Variants in DNAH2 observed in about 807,000 individuals in gnomAD.
DNAH2 encodes dynein axonemal heavy chain 2, also known as axonemal beta dynein heavy chain 2.
A neutral mutation model predicts 523.5 loss-of-function variants in DNAH2; 323 were observed. The ratio of observed to expected loss-of-function variants is 0.62; its 90% CI spans 0.56 to 0.68. The LOEUF (loss-of-function observed/expected upper bound fraction) is 0.68. Ranked by LOEUF, DNAH2 falls within the 30% of genes least tolerant of loss-of-function variation. DNAH2 has a pLI of 0.00. For missense variants in DNAH2, 4,907 were observed against 5,701.5 expected (o/e 0.86, Z 4.49); for synonymous variants, 2,093 against 2,177.4 (o/e 0.96, Z 1.08).
rs1331726373 is a variant in DNAH2 at position 7,796,527 on chromosome 17, G to C, written c.7738G>C (p.Glu2580Gln). ...INQKLQDFEE[E>Q]VKPIGNVVTE... ...TCAGAAGCTTCAGGACTTTGAGGAA[G>C]AGGTGAAGCCCATTGGGAACGTGGT... is the stretch of plus-strand genomic sequence containing the variant. Residue 2580 changes from glutamate to glutamine, a missense_variant, in exon 50 of 86, where the codon GAG becomes CAG. Glu to Gln is a conservative substitution (Grantham distance 29). Around this residue, in one of 3 missense-constraint regions of DNAH2, gnomAD observed 250 missense variants for 371.3 expected, o/e 0.67. Transcript: ENST00000572933. 1 of 1,613,838 alleles carries C rather than the reference G, an allele frequency of 6.2e-7. No individual in the cohort carries two copies. Among genetic ancestry groups the C allele is most frequent in the Admixed American group, 1.7e-5 (1 of 59,956 alleles).
rs756974612 is a variant in DNAH2, at chr17:7,791,870, C to T, written c.6901-47C>T. ...TGTCACGAGTCTGCCAGATGGACCCCTGGTCTCTTACAGGTGGGTTATTTC... is the reference window on the plus strand; with the variant it reads ...TGTCACGAGTCTGCCAGATGGACCCTTGGTCTCTTACAGGTGGGTTATTTC... On this transcript the variant is annotated intron_variant, in intron 44 of 85. Transcript: ENST00000572933. 6.3e-6 allele frequency: 10 copies of T among 1,577,716 alleles called. No homozygotes were observed. The South Asian group carries it at 7.0e-5, about 11-fold the overall frequency.
Position 7,741,248 on chromosome 17 carries a change from T to C in DNAH2, c.1689+256T>C, listed in dbSNP as rs556509223. Among the ~76,000 whole-genome samples the C allele has an allele frequency of 3.1e-3, 112 of 35,738 alleles. 2 individuals carry two copies. The South Asian group carries it at 0.048, about 15-fold the overall frequency. 23.4% of individuals were successfully genotyped at this position (35,738 alleles called of 152,430 possible). ...TTTTTTTCTCTCTCTCTTTCTTTCT[T>C]TCTTTCTTTCTTTCTTTCTTTCTTT... On this transcript the variant is annotated intron_variant, in intron 11 of 85. Transcript: ENST00000572933.
intron 2 of DNAH2, among the ~76,000 whole-genome samples, chr17:7,722,224 C>G (rs143207623): frequency 6.6e-6 from 1 of 151,788 alleles, no homozygotes; most frequent in Non-Finnish European, 1.5e-5. Flanking sequence ...AGGCTGGTCT[C>G]GAACGCCTGA....
chr17:7,831,476 CT>C lies in DNAH2; in HGVS notation c.12547del (p.Ser4183ProfsTer17). The C allele has an allele frequency of 6.2e-7, 1 of 1,614,186 alleles. No individual in the cohort carries two copies. Among genetic ancestry groups the C allele is most frequent in the Non-Finnish European group, 8.5e-7 (1 of 1,180,032 alleles). On this transcript the variant is annotated frameshift_variant, in exon 81 of 86. Coordinates refer to ENST00000572933, the MANE Select transcript of DNAH2 (RefSeq NM_020877.5). LOFTEE classifies it high-confidence loss of function. The surrounding 1 kb of genome is among the most constrained non-coding windows in gnomAD (Gnocchi z 4.2). ...CTCAAAAACTGCTAGCTCTCGACCC[CT>C]CCCCCCTCAATGTGGTCCTTCTGCA... Reference protein sequence around the residue: ...GTQKLLALDPSPLNVVLLQEI... With the variant: ...GTQKLLALDPXPLNVVLLQEI...
intron 27 of DNAH2, 125 bp downstream of exon 27, chr17:7,771,058 C>T (rs2076301106): frequency 1.8e-6 from 2 of 1,117,516 alleles, no homozygotes; most frequent in Admixed American, 2.7e-5. Flanking sequence ...CATCTAGGAC[C>T]CAGCTGTCTG....
chr17:7,763,820 G>A lies in DNAH2; in HGVS notation c.2979-11G>A. The A allele has an allele frequency of 6.2e-7, 1 of 1,613,804 alleles. No homozygotes were observed. The highest frequency in any genetic ancestry group is 8.5e-7 in the Non-Finnish European group (1 of 1,179,988). ...AAACAACATCCTAGCTGGGATCTGGGGCTCTTGCAGCTACACGGAAGTTGC... is the reference window on the plus strand; with the variant it reads ...AAACAACATCCTAGCTGGGATCTGGAGCTCTTGCAGCTACACGGAAGTTGC... On this transcript the variant is annotated splice_polypyrimidine_tract_variant and intron_variant, in intron 18 of 85. Coordinates refer to ENST00000572933, the MANE Select transcript of DNAH2 (RefSeq NM_020877.5).
Position 7,753,902 on chromosome 17 carries a change from C to T in DNAH2, c.1905-3189C>T, listed in dbSNP as rs138844806. Among the ~76,000 whole-genome samples, 954 of 152,082 alleles carry T rather than the reference C, an allele frequency of 6.3e-3. 8 individuals carry two copies. Among genetic ancestry groups the T allele is most frequent in the African/African-American group, 0.021 (862 of 41,450 alleles). ...GGCAGAGGTTGCAGTGAGCCGAGATCGCACCACTGCACTCCAGCCTGGGCG... is the reference window on the plus strand; with the variant it reads ...GGCAGAGGTTGCAGTGAGCCGAGATTGCACCACTGCACTCCAGCCTGGGCG... On this transcript the variant is annotated intron_variant, in intron 12 of 85. Coordinates refer to ENST00000572933, the MANE Select transcript of DNAH2 (RefSeq NM_020877.5).
At chr17:7,765,135 ACT>A (rs1382593814) in intron 20 of DNAH2, among the ~76,000 whole-genome samples, 1 of 151,702 alleles carries the variant, frequency 6.6e-6, no homozygotes, top group African/African-American at 2.4e-5. Context: ...TCGTCCCCAG[ACT>A]CTGGTCTGGA....
chr17:7,757,152 C>A lies in DNAH2; in HGVS notation c.1966C>A (p.His656Asn). The A allele has an allele frequency of 6.2e-7, 1 of 1,614,200 alleles. No homozygotes were observed. The highest frequency in any genetic ancestry group is 8.5e-7 in the Non-Finnish European group (1 of 1,180,028). ...YWERLLFETPHYVVNVAERAE... is the reference protein window; with the variant it reads ...YWERLLFETPNYVVNVAERAE... Reference sequence around the variant, plus strand: ...GGAGCGGCTGCTGTTTGAGACGCCCCATTACGTGGTGAACGTAGCTGAGCG... The same window carrying A: ...GGAGCGGCTGCTGTTTGAGACGCCCAATTACGTGGTGAACGTAGCTGAGCG... The change falls in exon 13 of 86, where the codon CAT (histidine) becomes AAT (asparagine). Residue 656 changes from histidine to asparagine, a missense_variant. Physicochemically the swap from His to Asn is moderately conservative, Grantham distance 68 (BLOSUM62 1). Coordinates refer to ENST00000572933, the MANE Select transcript of DNAH2 (RefSeq NM_020877.5).
intron 63 of DNAH2, among the ~76,000 whole-genome samples, chr17:7,809,081 T>A (rs891545897): frequency 6.6e-6 from 1 of 152,222 alleles, no homozygotes; most frequent in African/African-American, 2.4e-5. Context: ...AATCTTTGGA[T>A]CTTTGCTTGC....
At chr17:7,779,491 G>A (rs111516749) in intron 36 of DNAH2, 68 bp downstream of exon 36, 18 of 1,490,352 alleles carry the variant, frequency 1.2e-5, no homozygotes, top group Non-Finnish European at 1.7e-5. Flanking sequence ...AAATAACTGC[G>A]CATCCTCCTC....
chr17:7,777,718 G>C, intron 33 of DNAH2, 84 bp downstream of exon 33: 3 of 1,533,712 alleles, frequency 2.0e-6, no homozygotes, highest in Non-Finnish European at 2.7e-6. Flanking sequence ...TAAATGCAAG[G>C]ATATCCTAAG....
At position 7,805,052 on chromosome 17, in the gene DNAH2, C is replaced by T. The variant is rs2077330466; in HGVS notation, c.9278C>T (p.Pro3093Leu). 1 of 1,613,964 alleles carries T rather than the reference C, an allele frequency of 6.2e-7. No individual in the cohort carries two copies. Among genetic ancestry groups the T allele is most frequent in the Non-Finnish European group, 8.5e-7 (1 of 1,180,008 alleles). ...CAGAAAGATCTAGAAGAGGCACTGC[C>T]CGCCCTGGAAGAGGCCATGCGGGTA... ...NAQKDLEEAL[P>L]ALEEAMRALE... The change falls in exon 60 of 86, where the codon CCC becomes CTC. Residue 3093 changes from proline to leucine, a missense_variant. Pro to Leu is a moderately conservative substitution (Grantham distance 98, BLOSUM62 -3). This residue lies in a region of DNAH2 where 1,851 missense variants were observed against 2,139.4 expected (regional missense o/e 0.87). Transcript: ENST00000572933.
rs2077955640 is a variant in DNAH2, at chr17:7,824,255, G to A, written c.11613G>A (p.Gln3871=). The A allele has an allele frequency of 3.2e-6, 5 of 1,573,922 alleles. No homozygotes were observed. The highest frequency in any genetic ancestry group is 2.3e-5 in the South Asian group (2 of 86,412). Residue 3871 remains glutamine (Q), a synonymous_variant, in exon 76 of 86, where the codon CAG becomes CAA. Coordinates refer to ENST00000572933, the MANE Select transcript of DNAH2 (RefSeq NM_020877.5). ...AQRFHALSLG[Q]GQAPIAARLL... The stretch of plus-strand genomic sequence containing the variant: ...GCTTCCACGCCCTGTCCCTGGGCCA[G>A]GGCCAGGCCCCCATCGCTGCTCGGC...
At chr17:7,799,045 C>T in intron 55 of DNAH2, 58 bp from the exon 56 acceptor site, 6 of 1,594,254 alleles carry the variant, frequency 3.8e-6, no homozygotes, top group Non-Finnish European at 5.1e-6. Flanking sequence ...GACCCGCTGC[C>T]CCCGCTGATT....
chr17:7,790,412 G>A (rs756503826), intron 44 of DNAH2, among the ~76,000 whole-genome samples: 2 of 151,994 alleles, frequency 1.3e-5, no homozygotes, highest in Non-Finnish European at 1.5e-5. Flanking sequence ...TCTAGAGATG[G>A]GGTCTCACTG....
At chr17:7,761,075 A>G in intron 18 of DNAH2, 143 bp downstream of exon 18, 1 of 1,042,078 alleles carries the variant, frequency 9.6e-7, no homozygotes, top group Non-Finnish European at 1.4e-6. Context: ...AGGACCTAGG[A>G]CATTGGACCT....
intron 63 of DNAH2, among the ~76,000 whole-genome samples, chr17:7,808,954 T>C (rs939302333): frequency 6.6e-6 from 1 of 152,148 alleles, no homozygotes. Context: ...GATTGTTCCT[T>C]ATCAGTATGT....
rs2077264934 is a variant in DNAH2, at chr17:7,802,971, A to G, written c.8972+954A>G. Among the ~76,000 whole-genome samples the G allele has an allele frequency of 2.6e-5, 4 of 151,884 alleles. No homozygotes were observed. The South Asian group carries it at 8.3e-4, about 31-fold the overall frequency. The stretch of plus-strand genomic sequence containing the variant: ...TACAGGCATGAGCCACCGTGCCCAG[A>G]CTTTTTTCAAATATTTTTGATCCTC... On this transcript the variant is annotated intron_variant, in intron 58 of 85. Transcript: ENST00000572933.
Sources: gnomAD v4.1 joint callset for allele counts (sites outside exome capture counted in the v4.1 genomes callset) on GRCh38, gnomAD v4.1.1 for gene constraint, gnomAD v4.1.1 regional missense constraint, Gnocchi (gnomAD v3.1) non-coding constraint, MANE v1.5 for transcripts, NCBI Gene and HGNC (gene_info 2026-07-23, HGNC 2026-07-21) for gene names.